OTOGL: variants seen among roughly 807,000 people sequenced by gnomAD.
OTOGL encodes the protein otogelin like, also known as otogelin-like protein.
A neutral mutation model predicts 318.5 loss-of-function variants in OTOGL; 285 were observed. The ratio of observed to expected loss-of-function variants is 0.89; its 90% CI spans 0.81 to 0.99. The LOEUF (loss-of-function observed/expected upper bound fraction) is 0.99, where lower values mean the gene tolerates loss of function less well. Ranked by LOEUF, OTOGL falls within the 50% of genes least tolerant of loss-of-function variation. The pLI is 0.00. For missense variants in OTOGL, 2,899 were observed against 2,845.6 expected (o/e 1.02, Z -0.43); for synonymous variants, 987 against 936.5 (o/e 1.05, Z -0.99).
At chr12:80,258,823 T>C (rs1882285631) in intron 18 of OTOGL, among the ~76,000 whole-genome samples, 1 of 151,428 alleles carries the variant, frequency 6.6e-6, no homozygotes, top group African/African-American at 2.4e-5. Flanking sequence ...GGGGTGGGAG[T>C]GTGGGAAGAT....
intron 17 of OTOGL, among the ~76,000 whole-genome samples, chr12:80,257,080 C>G (rs1882117624): frequency 6.6e-6 from 1 of 152,208 alleles, no homozygotes; most frequent in South Asian, 2.1e-4. Context: ...AGGTCCTGTT[C>G]ATGCCTGCAT....
At chr12:80,327,090 T>G (rs568121071) in intron 35 of OTOGL, among the ~76,000 whole-genome samples, 1 of 152,338 alleles carries the variant, frequency 6.6e-6, no homozygotes, top group Non-Finnish European at 1.5e-5. Flanking sequence ...CTCTGTAGTA[T>G]GTAGTAATAT....
At chr12:80,346,194 G>T (rs1284189603) in intron 44 of OTOGL, among the ~76,000 whole-genome samples, 10 of 152,100 alleles carry the variant, frequency 6.6e-5, no homozygotes, top group Admixed American at 6.6e-4. Context: ...TTATTTAAAA[G>T]ACACAGACTA....
chr12:80,358,358 A>T lies in OTOGL; in HGVS notation c.6121+9A>T. 1 of 1,551,338 alleles carries T rather than the reference A, an allele frequency of 6.4e-7. No individual in the cohort carries two copies. Among genetic ancestry groups the T allele is most frequent in the Non-Finnish European group, 8.8e-7 (1 of 1,130,074 alleles). On this transcript the variant is annotated intron_variant, in intron 50 of 58. Coordinates refer to ENST00000547103, the MANE Select transcript of OTOGL (RefSeq NM_001378609.3). ...TCCTCAGTATTACTGTGGTAAGTGT[A>T]TATTAACTATTCTAAAATATTTAGA...
chr12:80,149,186 T>C (rs1176518862), intron 1 of OTOGL, among the ~76,000 whole-genome samples: 1 of 152,268 alleles, frequency 6.6e-6, no homozygotes, highest in East Asian at 1.9e-4. Flanking sequence ...TTTGTGGTTT[T>C]ATCTACTTTT....
At chr12:80,206,493 CT>C (rs1214148586) in intron 1 of OTOGL, among the ~76,000 whole-genome samples, 1 of 152,008 alleles carries the variant, frequency 6.6e-6, no homozygotes, top group East Asian at 1.9e-4. Context: ...CTGAGGCTTC[CT>C]CTTACAAATT....
intron 18 of OTOGL, among the ~76,000 whole-genome samples, chr12:80,261,279 A>G (rs1321971548): frequency 6.6e-6 from 1 of 152,108 alleles, no homozygotes; most frequent in African/African-American, 2.4e-5. Context: ...TGTCTGGCAC[A>G]TTGTCCAATA....
chr12:80,195,677 C>CT (rs1876008861), intron 1 of OTOGL, among the ~76,000 whole-genome samples: 1 of 152,158 alleles, frequency 6.6e-6, no homozygotes, highest in South Asian at 2.1e-4. Flanking sequence ...TTGATATAGA[C>CT]AATGCCCTAT....
chr12:80,207,668 A>C (rs150134961), intron 1 of OTOGL, among the ~76,000 whole-genome samples: 99 of 152,340 alleles, frequency 6.5e-4, no homozygotes, highest in African/African-American at 2.3e-3. Flanking sequence ...TGGACTTAGT[A>C]ATGCATATTG....
intron 4 of OTOGL, among the ~76,000 whole-genome samples, chr12:80,215,280 C>A (rs1340703636): frequency 1.3e-5 from 2 of 151,506 alleles, no homozygotes; most frequent in Non-Finnish European, 2.9e-5. Context: ...TATTCTCCTG[C>A]CTTAGCCTCC....
At chr12:80,134,460 C>G (rs1041413689) in intron 1 of OTOGL, among the ~76,000 whole-genome samples, 3 of 152,130 alleles carry the variant, frequency 2.0e-5, no homozygotes, top group Middle Eastern at 3.2e-3. Flanking sequence ...CTATTTTATT[C>G]TAAACTTTGG....
At chr12:80,264,804 A>G (rs1350069101) in intron 19 of OTOGL, among the ~76,000 whole-genome samples, 197 bp from the exon 20 acceptor site, 1 of 151,710 alleles carries the variant, frequency 6.6e-6, no homozygotes, top group Non-Finnish European at 1.5e-5. Context: ...TTTTTTTCCT[A>G]AAAGTCTGTT....
chr12:80,101,366 T>G (rs940393820), intron 1 of OTOGL, among the ~76,000 whole-genome samples: 6 of 152,136 alleles, frequency 3.9e-5, no homozygotes, highest in Admixed American at 6.6e-5. Context: ...AATATTTGAG[T>G]GTAAGAATTA....
rs876657946 is a variant in OTOGL at position 80,270,142 on chromosome 12, A to G, written c.2506A>G (p.Thr836Ala). 3.1e-6 allele frequency: 5 copies of G among 1,603,674 alleles called. No individual in the cohort carries two copies. The highest frequency in any genetic ancestry group is 3.3e-5 in the Admixed American group (2 of 59,760). The change falls in exon 23 of 59, where the codon ACG becomes GCG. Residue 836 changes from threonine (T) to alanine (A), a missense_variant. By Grantham distance (58) the Thr-to-Ala change is moderately conservative. Transcript: ENST00000547103. ...GACTGTGAAATGTGATGAATTAGCAACGCCCTCTGCTGGTAAGATCTTAAA... is the reference window on the plus strand; with the variant it reads ...GACTGTGAAATGTGATGAATTAGCAGCGCCCTCTGCTGGTAAGATCTTAAA... ...NGTVKCDELA[T>A]PSAVHICPEG...
rs899783642 is a variant in OTOGL at position 80,215,854 on chromosome 12, G to A, written c.169-1744G>A. Among the ~76,000 whole-genome samples, 19 of 152,176 alleles carry A rather than the reference G, an allele frequency of 1.2e-4. 2 individuals are homozygous for A. Among genetic ancestry groups the A allele is most frequent in the Admixed American group, 1.2e-3 (18 of 15,274 alleles). ...CTTGAGGGAATTGAGGTCATAGACT[G>A]TTGTTGCATCTAATTTAGTTTGAAG... On this transcript the variant is annotated intron_variant, in intron 4 of 58. Transcript: ENST00000547103.
chr12:80,259,331 T>G (rs1882330068), intron 18 of OTOGL, among the ~76,000 whole-genome samples: 1 of 151,496 alleles, frequency 6.6e-6, no homozygotes, highest in South Asian at 2.1e-4. Flanking sequence ...AAATACTGTT[T>G]CATTTCTTTT....
intron 26 of OTOGL, among the ~76,000 whole-genome samples, chr12:80,289,284 G>GCT (rs1406856832): frequency 3.3e-5 from 5 of 152,142 alleles, no homozygotes; most frequent in African/African-American, 1.2e-4. Flanking sequence ...TCCCAGAGGG[G>GCT]CACGCATCTG....
chr12:80,216,503 A>G (rs547973949), intron 4 of OTOGL, among the ~76,000 whole-genome samples: 71 of 152,322 alleles, frequency 4.7e-4, no homozygotes, highest in Admixed American at 2.0e-3. Flanking sequence ...ACTATTTGCT[A>G]CTTAGCCATA....
In OTOGL at chr12:80,222,210, G is replaced by T. The variant is rs1399912212; in HGVS notation, c.454G>T (p.Asp152Tyr). Residue 152 changes from aspartate (D) to tyrosine (Y), a missense_variant, in exon 7 of 59, where the codon GAC becomes TAC. Transcript: ENST00000547103. ...AAACTGTTCTTACATTTTTGCAAAG[G>T]ACTGTGGTGATTTGGAGCCTCGGTA... ...PGNCSYIFAK[D>Y]CGDLEPRYTV... is the part of the protein sequence containing the mutation. 2.5e-6 allele frequency: 4 copies of T among 1,597,876 alleles called. No homozygotes were observed. Among genetic ancestry groups the T allele is most frequent in the Non-Finnish European group, 3.4e-6 (4 of 1,178,544 alleles).
Sources: gnomAD v4.1 joint callset for allele counts (sites outside exome capture counted in the v4.1 genomes callset) on GRCh38, gnomAD v4.1.1 for gene constraint, MANE v1.5 for transcripts, NCBI Gene and HGNC (gene_info 2026-07-23, HGNC 2026-07-21) for gene names.